Variants in DGKB observed in about 807,000 individuals in gnomAD.
DGKB encodes the protein 90 kDa diacylglycerol kinase.
Under a neutral mutation model 114.3 loss-of-function variants are expected in DGKB, and 67 were observed. That is an observed-to-expected ratio of 0.59 (90% CI 0.48 to 0.72). DGKB has a LOEUF of 0.72. DGKB is among the 30% of genes least tolerant of loss of function. The pLI, the probability that DGKB is intolerant of heterozygous loss-of-function variation, is 0.00. For missense variants in DGKB, 907 were observed against 975.2 expected (o/e 0.93, Z 0.93); for synonymous variants, 398 against 323.1 (o/e 1.23, Z -2.49).
At chr7:14,759,780 A>T (rs913679766) in intron 2 of DGKB, among the ~76,000 whole-genome samples, 3 of 152,174 alleles carry the variant, frequency 2.0e-5, no homozygotes, top group Non-Finnish European at 4.4e-5. Context: ...ACCTGATAGT[A>T]AAATTGCCAG....
chr7:14,514,380 T>C (rs1788444132), intron 20 of DGKB, among the ~76,000 whole-genome samples: 1 of 152,142 alleles, frequency 6.6e-6, no homozygotes, highest in Non-Finnish European at 1.5e-5. Context: ...AAATAGGATA[T>C]TAACTTGACT....
At chr7:14,663,857 C>T (rs1817584664) in intron 13 of DGKB, among the ~76,000 whole-genome samples, 2 of 151,916 alleles carry the variant, frequency 1.3e-5, no homozygotes, top group South Asian at 4.2e-4. Context: ...ATGATTGCCA[C>T]TTTTGCTAAT....
chr7:14,927,150 A>G (rs1320964929), intron 1 of DGKB, among the ~76,000 whole-genome samples: 1 of 151,932 alleles, frequency 6.6e-6, no homozygotes, highest in Non-Finnish European at 1.5e-5. Context: ...GCTGGTAGAT[A>G]CTTTTACTTA....
At chr7:14,706,412 C>G (rs1412799150) in intron 6 of DGKB, among the ~76,000 whole-genome samples, 2 of 148,020 alleles carry the variant, frequency 1.4e-5, no homozygotes, top group Non-Finnish European at 3.0e-5. Context: ...ATCAACGAGA[C>G]AGAAAGTCAA....
chr7:14,217,664 T>A (rs1161371496), intron 23 of DGKB, among the ~76,000 whole-genome samples: 1 of 151,708 alleles, frequency 6.6e-6, no homozygotes, highest in African/African-American at 2.4e-5. Context: ...AAAAGTGAGA[T>A]GCAAGTGAAA....
chr7:14,958,478 C>T (rs886515093), intron 1 of DGKB, among the ~76,000 whole-genome samples: 1 of 150,764 alleles, frequency 6.6e-6, no homozygotes, highest in Non-Finnish European at 1.5e-5. Flanking sequence ...CACACACACC[C>T]CGTCCAGGAG....
rs138314858 is a variant in DGKB at position 14,839,796 on chromosome 7, A to G, written c.70+1398T>C. On this transcript the variant is annotated intron_variant, in intron 2 of 25. Transcript: ENST00000402815. The stretch of plus-strand genomic sequence containing the variant: ...TCATATATTTTGTAATCATATTTTT[A>G]TTATTATTGACTCAGTCAATAGTCA... Among the ~76,000 whole-genome samples the G allele has an allele frequency of 4.6e-5, 7 of 151,216 alleles. No individual in the cohort carries two copies. In the East Asian group the frequency reaches 1.4e-3, roughly 29 times the overall value.
intron 1 of DGKB, among the ~76,000 whole-genome samples, chr7:14,888,096 A>C (rs530460093): frequency 1.9e-4 from 29 of 151,930 alleles, no homozygotes; most frequent in African/African-American, 7.0e-4. Context: ...AACAAGGTGT[A>C]AATCTAGTAA....
chr7:14,886,281 A>G (rs902286320), intron 1 of DGKB, among the ~76,000 whole-genome samples: 1 of 151,872 alleles, frequency 6.6e-6, no homozygotes, highest in African/African-American at 2.4e-5. Flanking sequence ...GGAGATCTGA[A>G]CATGGGAAGA....
At chr7:14,793,802 T>G (rs763287583) in intron 2 of DGKB, among the ~76,000 whole-genome samples, 4 of 152,082 alleles carry the variant, frequency 2.6e-5, no homozygotes, top group Non-Finnish European at 5.9e-5. Context: ...GGTGTCTCTG[T>G]GGGGGAGTTT....
At chr7:14,167,976 A>C (rs1290365023) in intron 25 of DGKB, among the ~76,000 whole-genome samples, 1 of 152,222 alleles carries the variant, frequency 6.6e-6, no homozygotes, top group Non-Finnish European at 1.5e-5. Context: ...AAATATAGCC[A>C]ATGATGCAAA....
chr7:14,185,527 C>T (rs1783277039), intron 23 of DGKB, among the ~76,000 whole-genome samples: 1 of 151,978 alleles, frequency 6.6e-6, no homozygotes, highest in African/African-American at 2.4e-5. Context: ...TTCTAAAAAT[C>T]ATATAGAACC....
intron 13 of DGKB, among the ~76,000 whole-genome samples, chr7:14,663,436 C>T (rs1817502498): frequency 1.3e-5 from 2 of 151,862 alleles, no homozygotes; most frequent in Admixed American, 1.3e-4. Context: ...TTTTATATTT[C>T]ACATACAAGT....
At chr7:14,723,961 A>C (rs984700128) in intron 5 of DGKB, among the ~76,000 whole-genome samples, 3 of 152,146 alleles carry the variant, frequency 2.0e-5, no homozygotes, top group Non-Finnish European at 4.4e-5. Context: ...AATTATTAGC[A>C]GATAAGTTTT....
intron 21 of DGKB, among the ~76,000 whole-genome samples, chr7:14,357,712 C>T (rs1814852249): frequency 6.6e-6 from 1 of 152,098 alleles, no homozygotes; most frequent in African/African-American, 2.4e-5. Flanking sequence ...TATAATTTGA[C>T]ATGTTTTTGC....
At chr7:14,375,389 C>T (rs769320553) in intron 21 of DGKB, among the ~76,000 whole-genome samples, 42 of 152,144 alleles carry the variant, frequency 2.8e-4, no homozygotes, top group Non-Finnish European at 4.1e-4. Context: ...AGGTAATGAA[C>T]ATGTACTATG....
chr7:14,816,424 A>T (rs757738319), intron 2 of DGKB: 2 of 152,150 alleles, frequency 1.3e-5, no homozygotes, highest in South Asian at 2.1e-4. Context: ...GTTTTTCTCA[A>T]CTCTTCTCCA....
chr7:14,456,290 C>T lies in DGKB; in HGVS notation c.1835+21871G>A, dbSNP rs1361481471. Among the ~76,000 whole-genome samples the T allele has an allele frequency of 4.6e-5, 7 of 151,910 alleles. No individual in the cohort carries two copies. In the South Asian group the frequency reaches 1.2e-3, roughly 27 times the overall value. On this transcript the variant is annotated intron_variant, in intron 21 of 25. Coordinates refer to ENST00000402815, the MANE Select transcript of DGKB (RefSeq NM_001350709.2). ...GTCTGAAATCTGAAATAGTTAGGAT[C>T]CCAAGCATTTCACATAAGAGCTGCT...
intron 1 of DGKB, among the ~76,000 whole-genome samples, chr7:14,969,942 C>T (rs919163436): frequency 6.6e-5 from 10 of 152,140 alleles, no homozygotes; most frequent in African/African-American, 2.4e-4. Context: ...AAGTCTAAGA[C>T]ATTGCTAGAC....
Sources: allele counts gnomAD v4.1 joint callset (sites outside exome capture counted in the v4.1 genomes callset), GRCh38; gene constraint gnomAD v4.1.1; transcripts MANE v1.5; gene names NCBI Gene and HGNC (gene_info 2026-07-23, HGNC 2026-07-21).